The following FREM1 variants were observed in gnomAD, a reference collection of about 807,000 sequenced individuals.
The protein encoded by FREM1 is FRAS1-related extracellular matrix protein 1.
A neutral mutation model predicts 210.1 loss-of-function variants in FREM1; 220 were observed. The ratio of observed to expected loss-of-function variants is 1.05; its 90% CI spans 0.94 to 1.17. FREM1 has a LOEUF of 1.17. Among genes scored for constraint, FREM1 ranks in the 50% most tolerant of loss-of-function variants. The probability of loss-of-function intolerance (pLI) is 0.00; values close to 1 mark genes in which losing one functional copy is unlikely to be tolerated. For missense variants in FREM1, 3,454 were observed against 2,675.5 expected, an observed-to-expected ratio of 1.29 and a Z score of -6.42; for synonymous variants, 1,189 against 980.2, an observed-to-expected ratio of 1.21 and a Z score of -3.98.
intron 22 of FREM1, among the ~76,000 whole-genome samples, chr9:14,792,272 G>GCACACACACACACACACA (rs34037291): frequency 5.6e-5 from 8 of 142,326 alleles, no homozygotes; most frequent in African/African-American, 2.1e-4. Context: ...ACACACACAC[G>GCACACACACACACACACA]CACACACACA....
intron 29 of FREM1, among the ~76,000 whole-genome samples, chr9:14,752,518 G>A (rs1843575730): frequency 6.6e-6 from 1 of 152,150 alleles, no homozygotes; most frequent in African/African-American, 2.4e-5. Flanking sequence ...GAAGGGTCTT[G>A]AACAAAGAAG....
intron 13 of FREM1, among the ~76,000 whole-genome samples, chr9:14,820,225 T>C (rs2779502): frequency 0.36 from 55,449 of 152,028 alleles, 10,392 homozygotes; most frequent in East Asian, 0.59. Context: ...ATAAGCATAT[T>C]CAAGGCTCTG....
chr9:14,821,997 G>C (rs1821437997), intron 13 of FREM1, among the ~76,000 whole-genome samples: 1 of 152,124 alleles, frequency 6.6e-6, no homozygotes. Context: ...GGGCCAGGTG[G>C]AGATAACTGA....
At chr9:14,862,587 A>G (rs1830780518) in intron 3 of FREM1, among the ~76,000 whole-genome samples, 1 of 152,190 alleles carries the variant, frequency 6.6e-6, no homozygotes. Context: ...AGGTTGTACA[A>G]CCATCATGAC....
intron 10 of FREM1, among the ~76,000 whole-genome samples, chr9:14,834,144 T>C (rs190953392): frequency 2.0e-5 from 3 of 152,270 alleles, no homozygotes; most frequent in South Asian, 4.1e-4. Context: ...AGATGGCTAA[T>C]AGTAGTTATA....
At chr9:14,857,444 C>T in intron 5 of FREM1, 109 bp downstream of exon 5, 4 of 981,702 alleles carry the variant, frequency 4.1e-6, no homozygotes, top group Non-Finnish European at 6.6e-6. Flanking sequence ...GTTTTACCCC[C>T]AAAAGCACAG....
rs142274363 is a variant in FREM1, at chr9:14,893,765, T to G, written c.-268+16149A>C. On this transcript the variant is annotated intron_variant, in intron 1 of 36. Coordinates refer to ENST00000380880, the MANE Select transcript of FREM1 (RefSeq NM_001379081.2). ...GAAGTCATGGAAATGTGGATTTTTT[T>G]GCCTAGATTAAAAGGTTAAAGGGTT... 2.6e-3 allele frequency among the ~76,000 whole-genome samples: 398 copies of G among 152,318 alleles called. 2 individuals are homozygous for G. The highest frequency in any genetic ancestry group is 9.1e-3 in the African/African-American group (379 of 41,574).
intron 20 of FREM1, among the ~76,000 whole-genome samples, chr9:14,799,801 TTTA>T (rs971524298): frequency 6.6e-6 from 1 of 152,094 alleles, no homozygotes; most frequent in Non-Finnish European, 1.5e-5. Flanking sequence ...TTTCTTTTTT[TTTA>T]TTATTATTAT....
At chr9:14,901,214 T>C (rs1838727303) in intron 1 of FREM1, among the ~76,000 whole-genome samples, 1 of 152,172 alleles carries the variant, frequency 6.6e-6, no homozygotes, top group Admixed American at 6.5e-5. Context: ...AAATGCAAAA[T>C]CATTATTGAG....
intron 1 of FREM1, among the ~76,000 whole-genome samples, chr9:14,880,004 G>T (rs1292247435): frequency 6.6e-6 from 1 of 152,134 alleles, no homozygotes; most frequent in Non-Finnish European, 1.5e-5. Flanking sequence ...GGATTAGGAG[G>T]TAGGGCCTTG....
Position 14,836,173 on chromosome 9 carries a change from A to G in FREM1, c.1881+5274T>C, listed in dbSNP as rs941010032. Among the ~76,000 whole-genome samples, 1 of 152,228 alleles carries G rather than the reference A, an allele frequency of 6.6e-6. No individual in the cohort carries two copies. Among genetic ancestry groups the G allele is most frequent in the Non-Finnish European group, 1.5e-5 (1 of 68,036 alleles). On this transcript the variant is annotated intron_variant, in intron 10 of 36. Transcript: ENST00000380880. This position sits in a 1 kb window ranked among gnomAD's most constrained non-coding sequence, Gnocchi z 4.9. ...TCTTGGCAAGTAAAATTTTAGATGG[A>G]AATTATCTACCACACCACACTTGTG...
In FREM1 at chr9:14,842,480, A is replaced by G; in HGVS notation, c.1574T>C (p.Ile525Thr). ...CTCCAGTTCAATCACAACATTGGTT[A>G]TGAGGAACGGGGGACTATCATCTTT... Reference protein sequence around the residue: ...LPKDDSPPFLITNVVIELEEG... With the variant: ...LPKDDSPPFLTTNVVIELEEG... The change falls in exon 9 of 37, where the codon ATA becomes ACA. Residue 525 changes from isoleucine (I) to threonine (T), a missense_variant. By Grantham distance (89) the Ile-to-Thr change is moderately conservative (BLOSUM62 -1). Transcript: ENST00000380880. 1 of 1,614,044 alleles carries G rather than the reference A, an allele frequency of 6.2e-7. No individual in the cohort carries two copies. The highest frequency in any genetic ancestry group is 8.5e-7 in the Non-Finnish European group (1 of 1,179,882).
intron 8 of FREM1, among the ~76,000 whole-genome samples, chr9:14,845,594 T>C (rs977877459): frequency 1.3e-5 from 2 of 152,198 alleles, no homozygotes; most frequent in Admixed American, 1.3e-4. Flanking sequence ...CGTGAGCCAC[T>C]GCGCTCGGCC....
At chr9:14,898,291 C>G (rs1435481633) in intron 1 of FREM1, among the ~76,000 whole-genome samples, 1 of 152,206 alleles carries the variant, frequency 6.6e-6, no homozygotes. Flanking sequence ...CAATGTAAAT[C>G]AAAGTTGCCA....
intron 1 of FREM1, among the ~76,000 whole-genome samples, chr9:14,880,022 G>A (rs542726774): frequency 2.6e-5 from 4 of 152,222 alleles, no homozygotes; most frequent in African/African-American, 4.8e-5. Context: ...TTGTGGAGGC[G>A]TTAGGTTTAC....
At chr9:14,795,290 T>C (rs2133146354) in intron 21 of FREM1, among the ~76,000 whole-genome samples, 1 of 152,326 alleles carries the variant, frequency 6.6e-6, no homozygotes, top group Non-Finnish European at 1.5e-5. Context: ...ACAGAGAGGT[T>C]AACAGAGAGA....
At chr9:14,764,367 A>T (rs1365327790) in intron 27 of FREM1, among the ~76,000 whole-genome samples, 4 of 152,124 alleles carry the variant, frequency 2.6e-5, no homozygotes, top group African/African-American at 9.7e-5. Flanking sequence ...AACCTTACTA[A>T]CATCATCTGT....
Position 14,869,102 on chromosome 9 carries a change from G to T in FREM1, c.-125C>A. On this transcript the variant is annotated 5_prime_UTR_variant, in exon 2 of 37. Transcript: ENST00000380880. Reference sequence around the variant, plus strand: ...GCAGGGTGAGGGGTCCTGACAATGTGCCCCGAGATCTTAACATGCCCCTTT... The same window carrying T: ...GCAGGGTGAGGGGTCCTGACAATGTTCCCCGAGATCTTAACATGCCCCTTT... 3 of 605,918 alleles carry T rather than the reference G, an allele frequency of 5.0e-6. No individual in the cohort carries two copies. The highest frequency in any genetic ancestry group is 8.5e-6 in the Non-Finnish European group (3 of 354,196). The allele number at this position is 605,918 out of a possible 1,614,324, so 37.5% of individuals were successfully genotyped here.
chr9:14,821,335 T>C (rs7025001), intron 13 of FREM1, among the ~76,000 whole-genome samples: 32,806 of 146,076 alleles, frequency 0.22, 3,797 homozygotes, highest in Middle Eastern at 0.3. Flanking sequence ...CCTCAACTCC[T>C]CAAAACTATT....
Sources: gnomAD v4.1 joint callset for allele counts (sites outside exome capture counted in the v4.1 genomes callset) on GRCh38, gnomAD v4.1.1 for gene constraint, Gnocchi (gnomAD v3.1) non-coding constraint, MANE v1.5 for transcripts, NCBI Gene and HGNC (gene_info 2026-07-23, HGNC 2026-07-21) for gene names.